TOGARAM1: variants seen among roughly 807,000 people sequenced by gnomAD.
The protein encoded by TOGARAM1 is TOG array regulator of axonemal microtubules 1, also known as TOG array regulator of axonemal microtubules protein 1.
TOGARAM1 carries 100 observed loss-of-function variants against 166.6 expected under a neutral mutation model. That is an observed-to-expected ratio of 0.60 (90% CI 0.51 to 0.71). The LOEUF (loss-of-function observed/expected upper bound fraction) is 0.71, where lower values mean the gene tolerates loss of function less well. TOGARAM1 is among the 30% of genes least tolerant of loss of function. The pLI is 0.00. For missense variants in TOGARAM1, 2,029 were observed against 2,102.7 expected, an observed-to-expected ratio of 0.96 and a Z score of 0.69; for synonymous variants, 758 against 763.8, an observed-to-expected ratio of 0.99 and a Z score of 0.13.
At chr14:45,025,053 A>G (rs1441373782) in intron 7 of TOGARAM1, among the ~76,000 whole-genome samples, 2 of 152,246 alleles carry the variant, frequency 1.3e-5, no homozygotes, top group African/African-American at 4.8e-5. Flanking sequence ...CATAGATCCT[A>G]TCCCCATGGA....
chr14:45,041,854 G>T (rs1367215619), intron 11 of TOGARAM1, among the ~76,000 whole-genome samples: 1 of 152,132 alleles, frequency 6.6e-6, no homozygotes, highest in Non-Finnish European at 1.5e-5. Flanking sequence ...CTCGACCTCT[G>T]TGGGCTCAGG....
At position 45,028,307 on chromosome 14, in the gene TOGARAM1, A is replaced by T; in HGVS notation, c.3636A>T (p.Gly1212=). 1 of 1,588,236 alleles carries T rather than the reference A, an allele frequency of 6.3e-7. No individual in the cohort carries two copies. Among genetic ancestry groups the T allele is most frequent in the Non-Finnish European group, 8.5e-7 (1 of 1,173,966 alleles). The change falls in exon 10 of 20, where the codon GGA becomes GGT. Residue 1212 remains glycine, a synonymous_variant. Coordinates refer to ENST00000361462, the MANE Select transcript of TOGARAM1 (RefSeq NM_001308120.2). ...KNSWERMRHT[G]TEKMASESET... is the part of the protein sequence containing the mutation. ...CCTGGGAACGAATGAGACATACAGG[A>T]ACTGAGAAAATGGCATCTGAAAGTA... is the stretch of plus-strand genomic sequence containing the variant.
intron 3 of TOGARAM1, among the ~76,000 whole-genome samples, chr14:44,999,782 CAT>C (rs1023641842): frequency 6.6e-6 from 1 of 151,870 alleles, no homozygotes; most frequent in Non-Finnish European, 1.5e-5. Flanking sequence ...TTGTGGGGGA[CAT>C]GTGACATTTT....
At chr14:45,043,554 T>A (rs1214133603) in intron 11 of TOGARAM1, 132 bp from the exon 12 acceptor site, 1 of 634,188 alleles carries the variant, frequency 1.6e-6, no homozygotes, top group Non-Finnish European at 2.8e-6. Context: ...TCAAAACTTT[T>A]CTTCTGAGCC....
At chr14:44,992,855 G>C (rs1887219799) in intron 1 of TOGARAM1, among the ~76,000 whole-genome samples, 1 of 151,436 alleles carries the variant, frequency 6.6e-6, no homozygotes, top group South Asian at 2.1e-4. Flanking sequence ...CTGACCTCGT[G>C]ATCTGCCTGC....
intron 6 of TOGARAM1, among the ~76,000 whole-genome samples, chr14:45,010,044 T>C (rs2138856546): frequency 6.6e-6 from 1 of 152,370 alleles, no homozygotes; most frequent in South Asian, 2.1e-4. Context: ...TCTTAAATTT[T>C]TTTTCCTTTG....
At chr14:45,071,550 A>T (rs749997842) in intron 18 of TOGARAM1, among the ~76,000 whole-genome samples, 162 bp from the exon 19 acceptor site, 5 of 152,010 alleles carry the variant, frequency 3.3e-5, no homozygotes, top group Non-Finnish European at 5.9e-5. Context: ...CCACCATGCA[A>T]GGTTTTATAG....
chr14:45,011,384 C>T (rs912501118), intron 6 of TOGARAM1, among the ~76,000 whole-genome samples: 1 of 152,166 alleles, frequency 6.6e-6, no homozygotes, highest in Non-Finnish European at 1.5e-5. Context: ...TCAATCTCAG[C>T]TCACTGCAAC....
rs777735478 is a variant in TOGARAM1, at chr14:45,011,868, T to C, written c.3138-107T>C. ...AAGTGTCATACTTATTGCTCCCTTATTATCTAAAAGGTCTGTGAGTTAATA... is the reference window on the plus strand; with the variant it reads ...AAGTGTCATACTTATTGCTCCCTTACTATCTAAAAGGTCTGTGAGTTAATA... On this transcript the variant is annotated intron_variant, in intron 6 of 19. Transcript: ENST00000361462. 44 of 706,998 alleles carry C rather than the reference T, an allele frequency of 6.2e-5. 1 individual carries two copies. Among genetic ancestry groups the C allele is most frequent in the Non-Finnish European group, 9.5e-5 (41 of 429,804 alleles). The allele number at this position is 706,998 out of a possible 1,614,324, so 43.8% of individuals were successfully genotyped here.
intron 16 of TOGARAM1, among the ~76,000 whole-genome samples, chr14:45,061,157 A>G (rs1353163130): frequency 1.3e-5 from 2 of 152,194 alleles, no homozygotes; most frequent in African/African-American, 2.4e-5. Context: ...ATATTCATTT[A>G]TATTCGTGAA....
chr14:45,064,302 A>T (rs1883039480), intron 16 of TOGARAM1, among the ~76,000 whole-genome samples: 1 of 151,954 alleles, frequency 6.6e-6, no homozygotes, highest in Admixed American at 6.6e-5. Context: ...TTTTTTATTA[A>T]TTTTTAATAA....
chr14:44,969,266 C>T (rs1056007557), intron 1 of TOGARAM1, among the ~76,000 whole-genome samples: 3 of 151,578 alleles, frequency 2.0e-5, no homozygotes, highest in African/African-American at 7.3e-5. Flanking sequence ...ATTCTCCTGC[C>T]TCAGGCTCCC....
chr14:45,043,834 A>G (rs778606747), intron 12 of TOGARAM1, 43 bp downstream of exon 12: 1 of 1,135,862 alleles, frequency 8.8e-7, no homozygotes, highest in Non-Finnish European at 1.3e-6. Context: ...TTAGAATAAC[A>G]AAGGATAAAT....
At chr14:45,039,992 A>G (rs1881643242) in intron 11 of TOGARAM1, among the ~76,000 whole-genome samples, 1 of 152,178 alleles carries the variant, frequency 6.6e-6, no homozygotes, top group African/African-American at 2.4e-5. Flanking sequence ...CATTTATAAC[A>G]CATTCCACCT....
chr14:44,988,432 T>C (rs12879108), intron 1 of TOGARAM1, among the ~76,000 whole-genome samples: 559 of 152,312 alleles, frequency 3.7e-3, no homozygotes, highest in Non-Finnish European at 5.8e-3. Context: ...AAAAAATATT[T>C]CATTCTCATG....
At chr14:45,071,243 CTA>C (rs1883365730) in intron 18 of TOGARAM1, among the ~76,000 whole-genome samples, 1 of 150,156 alleles carries the variant, frequency 6.7e-6, no homozygotes, top group Admixed American at 6.6e-5. Flanking sequence ...TTTGATAAAA[CTA>C]TGTTATCGTT....
intron 3 of TOGARAM1, among the ~76,000 whole-genome samples, chr14:44,999,864 T>G (rs1887613712): frequency 6.6e-6 from 1 of 152,216 alleles, no homozygotes; most frequent in South Asian, 2.1e-4. Context: ...TGTCATTTCT[T>G]TGTGTTGGGA....
chr14:45,035,968 G>GAA (rs1191483712), intron 11 of TOGARAM1, among the ~76,000 whole-genome samples: 8 of 144,760 alleles, frequency 5.5e-5, no homozygotes, highest in Non-Finnish European at 1.2e-4. Context: ...AAAAAAGAAA[G>GAA]AAAAAAAATT....
chr14:45,057,525 C>T (rs1328404316), intron 16 of TOGARAM1, among the ~76,000 whole-genome samples: 1 of 152,090 alleles, frequency 6.6e-6, no homozygotes, highest in Non-Finnish European at 1.5e-5. Context: ...TTCTTGGGCT[C>T]AAGCAATCCT....
Sources: gnomAD v4.1 joint callset for allele counts (sites outside exome capture counted in the v4.1 genomes callset) on GRCh38, gnomAD v4.1.1 for gene constraint, MANE v1.5 for transcripts, NCBI Gene and HGNC (gene_info 2026-07-23, HGNC 2026-07-21) for gene names.